The following TGM6 variants were observed in gnomAD, a reference collection of about 807,000 sequenced individuals.
The protein encoded by TGM6 is protein-glutamine gamma-glutamyltransferase 6.
Under a neutral mutation model 77.5 loss-of-function variants are expected in TGM6, and 74 were observed. The observed-to-expected ratio is 0.96, with a 90% CI of 0.79 to 1.16. TGM6 has a LOEUF of 1.16. Ranked by LOEUF, TGM6 falls within the 50% of genes most tolerant of loss-of-function variation. TGM6 has a pLI of 0.00. For missense variants in TGM6, 968 were observed against 940.2 expected, an observed-to-expected ratio of 1.03 and a Z score of -0.39; for synonymous variants, 383 against 378.9, an observed-to-expected ratio of 1.01 and a Z score of -0.12.
chr20:2,381,722 G>A (rs2084556124), intron 1 of TGM6, among the ~76,000 whole-genome samples: 1 of 152,140 alleles, frequency 6.6e-6, no homozygotes, highest in Non-Finnish European at 1.5e-5. Flanking sequence ...TTTGAGACCA[G>A]CCTGGGCAAT....
chr20:2,403,787 C>A lies in TGM6; in HGVS notation c.1300C>A (p.Arg434Ser), dbSNP rs770145628. 1 of 1,614,154 alleles carries A rather than the reference C, an allele frequency of 6.2e-7. No individual in the cohort carries two copies. Among genetic ancestry groups the A allele is most frequent in the Non-Finnish European group, 8.5e-7 (1 of 1,180,038 alleles). The change falls in exon 9 of 13, where the codon CGC (arginine) becomes AGC (serine). Residue 434 changes from arginine to serine, a missense_variant. Transcript: ENST00000202625. Reference protein sequence around the residue: ...ISTKAVGSDSRVDITDLYKYP... With the variant: ...ISTKAVGSDSSVDITDLYKYP... Reference sequence around the variant, plus strand: ...CACCAAGGCGGTGGGCAGTGACTCCCGCGTGGACATCACTGACCTCTACAA... The same window carrying A: ...CACCAAGGCGGTGGGCAGTGACTCCAGCGTGGACATCACTGACCTCTACAA...
intron 1 of TGM6, among the ~76,000 whole-genome samples, chr20:2,392,049 T>C (rs6113988): frequency 0.018 from 2,742 of 152,342 alleles, 84 homozygotes; most frequent in African/African-American, 0.062. Flanking sequence ...AGTTTAGGTG[T>C]TCTCTGCTCC....
Position 2,400,331 on chromosome 20 carries a change from A to G in TGM6, c.876A>G (p.Thr292=), listed in dbSNP as rs2084698265. The stretch of plus-strand genomic sequence containing the variant: ...TCCTCAGGTGCTTGGGGATAGCCAC[A>G]CGGGTCGTGTCCAACTTCAACTCAG... ...CTVLRCLGIA[T]RVVSNFNSAH... is the part of the protein sequence containing the mutation. Residue 292 remains threonine (T), a synonymous_variant, in exon 7 of 13, where the codon ACA becomes ACG. Transcript: ENST00000202625. The G allele has an allele frequency of 6.2e-7, 1 of 1,614,186 alleles. No homozygotes were observed. Among genetic ancestry groups the G allele is most frequent in the Non-Finnish European group, 8.5e-7 (1 of 1,180,036 alleles).
At chr20:2,408,036 G>A (rs1412006174) in intron 9 of TGM6, among the ~76,000 whole-genome samples, 3 of 152,212 alleles carry the variant, frequency 2.0e-5, no homozygotes, top group Non-Finnish European at 4.4e-5. Context: ...GCCTATGGGA[G>A]GGAATGCTGA....
intron 1 of TGM6, among the ~76,000 whole-genome samples, chr20:2,391,213 G>A (rs577669939): frequency 3.9e-5 from 6 of 152,034 alleles, no homozygotes; most frequent in African/African-American, 1.2e-4. Flanking sequence ...AGGGGCCATA[G>A]TACCTCCCTT....
intron 10 of TGM6, among the ~76,000 whole-genome samples, chr20:2,420,804 C>T (rs558683720): frequency 2.6e-5 from 4 of 152,206 alleles, no homozygotes; most frequent in Admixed American, 6.5e-5. Context: ...GGATCCCTTA[C>T]GGTTTTTGTG....
At chr20:2,417,190 G>A (rs2084821747) in intron 9 of TGM6, 42 bp from the exon 10 acceptor site, 1 of 1,543,308 alleles carries the variant, frequency 6.5e-7, no homozygotes, top group Non-Finnish European at 8.8e-7. Context: ...AATTAAAGGA[G>A]CAAGGGGGTG....
chr20:2,399,983 G>A lies in TGM6; in HGVS notation c.850+245G>A, dbSNP rs987773268. Among the ~76,000 whole-genome samples, 13 of 152,240 alleles carry A rather than the reference G, an allele frequency of 8.5e-5. No homozygotes were observed. The East Asian group carries it at 2.3e-3, about 27-fold the overall frequency. Reference sequence around the variant, plus strand: ...ATTGAGTGCCTTGGGCGAGCCCTGCGGCTCCCTTGGCCTCCAGTCCCCTCA... The same window carrying A: ...ATTGAGTGCCTTGGGCGAGCCCTGCAGCTCCCTTGGCCTCCAGTCCCCTCA... On this transcript the variant is annotated intron_variant, in intron 6 of 12. Coordinates refer to ENST00000202625, the MANE Select transcript of TGM6 (RefSeq NM_198994.3).
chr20:2,399,091 G>A (rs2084687706), intron 5 of TGM6, among the ~76,000 whole-genome samples: 1 of 149,494 alleles, frequency 6.7e-6, no homozygotes, highest in East Asian at 2.0e-4. Flanking sequence ...AACTTGCTGT[G>A]TGATTTGGGC....
chr20:2,390,012 G>A (rs148244971), intron 1 of TGM6, among the ~76,000 whole-genome samples: 636 of 152,254 alleles, frequency 4.2e-3, no homozygotes, highest in Middle Eastern at 0.034. Context: ...CTCATTCCCA[G>A]AGAAGCCTCC....
At chr20:2,401,360 C>T (rs766573854) in intron 7 of TGM6, among the ~76,000 whole-genome samples, 13 of 152,338 alleles carry the variant, frequency 8.5e-5, no homozygotes, top group Admixed American at 6.5e-5. Context: ...GGAGGCAACA[C>T]TATCACTGTC....
In TGM6 at chr20:2,403,568, C is replaced by A; in HGVS notation, c.1094-13C>A. 1 of 1,614,160 alleles carries A rather than the reference C, an allele frequency of 6.2e-7. No homozygotes were observed. The highest frequency in any genetic ancestry group is 8.5e-7 in the Non-Finnish European group (1 of 1,180,026). ...CCTTACCCATGCTGCTCATGCCCAC[C>A]CCTCCTGCCCAGGTGTGTTCCGGTG... On this transcript the variant is annotated splice_polypyrimidine_tract_variant and intron_variant, in intron 8 of 12. Coordinates refer to ENST00000202625, the MANE Select transcript of TGM6 (RefSeq NM_198994.3).
chr20:2,393,554 G>A (rs1460890762), intron 1 of TGM6, among the ~76,000 whole-genome samples: 2 of 152,172 alleles, frequency 1.3e-5, no homozygotes, highest in Non-Finnish European at 2.9e-5. Flanking sequence ...TGTTTTGAGA[G>A]GGAGAGTCTC....
intron 4 of TGM6, 67 bp from the exon 5 acceptor site, chr20:2,397,851 G>T (rs2084679279): frequency 6.2e-7 from 1 of 1,613,382 alleles, no homozygotes; most frequent in South Asian, 1.1e-5. Flanking sequence ...CCGGGTGAGG[G>T]CTGTGGGAGG....
chr20:2,410,839 A>G (rs2084780401), intron 9 of TGM6, among the ~76,000 whole-genome samples: 1 of 152,232 alleles, frequency 6.6e-6, no homozygotes, highest in Non-Finnish European at 1.5e-5. Flanking sequence ...GTGACAACAT[A>G]TTAGATAACT....
Position 2,430,542 on chromosome 20 carries a change from A to G in TGM6, c.1775A>G (p.Lys592Arg). ...ILLAAMCLVT[K>R]GEKLLVEKDI... Reference sequence around the variant, plus strand: ...TTGGCTGCCATGTGCCTTGTCACCAAAGGAGAGAAGCTTCTGGTGGAGAAG... The same window carrying G: ...TTGGCTGCCATGTGCCTTGTCACCAGAGGAGAGAAGCTTCTGGTGGAGAAG... Residue 592 changes from lysine to arginine, a missense_variant, in exon 11 of 13, where the codon AAA becomes AGA. Coordinates refer to ENST00000202625, the MANE Select transcript of TGM6 (RefSeq NM_198994.3). 1 of 1,614,206 alleles carries G rather than the reference A, an allele frequency of 6.2e-7. No individual in the cohort carries two copies. Among genetic ancestry groups the G allele is most frequent in the East Asian group, 2.2e-5 (1 of 44,874 alleles).
At chr20:2,400,855 A>C (rs944700160) in intron 7 of TGM6, among the ~76,000 whole-genome samples, 4 of 152,076 alleles carry the variant, frequency 2.6e-5, no homozygotes, top group African/African-American at 9.7e-5. Flanking sequence ...TAGCTAAAAC[A>C]AAATTCTTCA....
intron 6 of TGM6, 67 bp downstream of exon 6, chr20:2,399,805 A>G: frequency 7.4e-7 from 1 of 1,357,434 alleles, no homozygotes; most frequent in Non-Finnish European, 1.0e-6. Flanking sequence ...ATGTATTTAC[A>G]TATATTTGCA....
At chr20:2,389,251 C>T (rs555315265) in intron 1 of TGM6, among the ~76,000 whole-genome samples, 1 of 152,296 alleles carries the variant, frequency 6.6e-6, no homozygotes, top group East Asian at 1.9e-4. Context: ...ACCAAGGTGC[C>T]TCAACCTGTA....
Sources: allele counts gnomAD v4.1 joint callset (sites outside exome capture counted in the v4.1 genomes callset), GRCh38; gene constraint gnomAD v4.1.1; transcripts MANE v1.5; gene names NCBI Gene and HGNC (gene_info 2026-07-23, HGNC 2026-07-21).